The following RTL4 variants were observed in gnomAD, a reference collection of about 807,000 sequenced individuals.
RTL4 encodes retrotransposon Gag-like protein 4.
A neutral mutation model predicts 5.3 loss-of-function variants in RTL4; 4 were observed. That is an observed-to-expected ratio of 0.75 (90% CI 0.37 to 1.72). The LOEUF (loss-of-function observed/expected upper bound fraction) is 1.72. RTL4 is among the 40% of genes most tolerant of loss of function. The pLI is 0.04. For synonymous variants in RTL4, 98 were observed against 87.3 expected, an observed-to-expected ratio of 1.12 and a Z score of -0.68; for missense variants, 260 against 227.1, an observed-to-expected ratio of 1.14 and a Z score of -0.93.
the RTL4 span, among the ~76,000 whole-genome samples, chrX:112,328,540 C>T: frequency 1.8e-5 from 2 of 111,541 alleles, no homozygotes; most frequent in Non-Finnish European, 3.8e-5. Flanking sequence ...GAGGCTTAGA[C>T]TCCCACACAT....
the RTL4 span, among the ~76,000 whole-genome samples, chrX:112,096,177 A>C: frequency 1.8e-5 from 2 of 111,950 alleles, no homozygotes; most frequent in South Asian, 7.5e-4. Context: ...ATGATAATAG[A>C]GTCTGCCTTA....
chrX:112,361,413 A>C, the RTL4 span, among the ~76,000 whole-genome samples: 2,263 of 111,273 alleles, frequency 0.02, 32 homozygotes, highest in Non-Finnish European at 0.031. Context: ...GGGGATAGAT[A>C]ACTTTTACAG....
chrX:112,262,757 T>C, the RTL4 span, among the ~76,000 whole-genome samples: 1 of 110,901 alleles, frequency 9.0e-6, no homozygotes, highest in East Asian at 2.9e-4. Flanking sequence ...ATGTTTATGG[T>C]GGCACTATTC....
At chrX:112,292,873 G>A in the RTL4 span, among the ~76,000 whole-genome samples, 4 of 111,380 alleles carry the variant, frequency 3.6e-5, no homozygotes, top group African/African-American at 1.3e-4. Context: ...TTTTGAGAAA[G>A]ATCATACTAG....
the RTL4 span, among the ~76,000 whole-genome samples, chrX:112,115,869 C>T: frequency 8.9e-6 from 1 of 112,397 alleles, no homozygotes; most frequent in South Asian, 3.7e-4. Flanking sequence ...AGCCAAGGGT[C>T]AGGATAGGTA....
At chrX:112,353,369 A>T in the RTL4 span, among the ~76,000 whole-genome samples, 2 of 111,517 alleles carry the variant, frequency 1.8e-5, no homozygotes. Flanking sequence ...TGCTGCTATA[A>T]ACACACATGC....
the RTL4 span, among the ~76,000 whole-genome samples, chrX:112,263,953 C>CTT: frequency 1.8e-5 from 2 of 111,751 alleles, no homozygotes; most frequent in African/African-American, 6.5e-5. Flanking sequence ...ATTCATCTCA[C>CTT]TCTTTTGGTC....
chrX:112,223,549 G>A, the RTL4 span, among the ~76,000 whole-genome samples: 9 of 112,088 alleles, frequency 8.0e-5, no homozygotes, highest in Non-Finnish European at 1.7e-4. Flanking sequence ...GTGTAATCTA[G>A]GTCACTAAGG....
chrX:112,270,094 C>T, the RTL4 span, among the ~76,000 whole-genome samples: 1 of 111,970 alleles, frequency 8.9e-6, no homozygotes, highest in Admixed American at 9.5e-5. Context: ...TAATGAAGTC[C>T]CCTTTTTCAG....
the RTL4 span, among the ~76,000 whole-genome samples, chrX:112,115,468 G>A: frequency 8.9e-6 from 1 of 111,737 alleles, no homozygotes; most frequent in Non-Finnish European, 1.9e-5. Flanking sequence ...TACCCTGAGG[G>A]AAGGAAGGGA....
the RTL4 span, among the ~76,000 whole-genome samples, chrX:112,449,305 T>C: frequency 9.0e-6 from 1 of 111,391 alleles, no homozygotes; most frequent in African/African-American, 3.3e-5. Context: ...CAGCTGCATG[T>C]GATGTGCCTG....
At chrX:112,142,858 TC>T in the RTL4 span, among the ~76,000 whole-genome samples, 1 of 111,263 alleles carries the variant, frequency 9.0e-6, no homozygotes, top group African/African-American at 3.3e-5. Flanking sequence ...AGACAGAATC[TC>T]ATTCTGTCAC....
At chrX:112,312,654 G>T in the RTL4 span, among the ~76,000 whole-genome samples, 2 of 111,407 alleles carry the variant, frequency 1.8e-5, no homozygotes. Flanking sequence ...ATTAACTGAA[G>T]AGCAGTTGAA....
chrX:112,429,040 T>C, the RTL4 span, among the ~76,000 whole-genome samples: 28 of 111,924 alleles, frequency 2.5e-4, no homozygotes, highest in South Asian at 7.3e-4. Context: ...TGTGTCTTTA[T>C]ATTTAAAGTG....
chrX:112,195,581 C>G, the RTL4 span, among the ~76,000 whole-genome samples: 1 of 111,331 alleles, frequency 9.0e-6, no homozygotes, highest in Non-Finnish European at 1.9e-5. Flanking sequence ...ACTCAAAACA[C>G]TACGGCTGTG....
At chrX:112,263,482 C>A in the RTL4 span, among the ~76,000 whole-genome samples, 2 of 111,878 alleles carry the variant, frequency 1.8e-5, no homozygotes, top group Non-Finnish European at 3.8e-5. Flanking sequence ...TAACTCCCAG[C>A]TCCTGACCAC....
chrX:112,207,639 GT>G, the RTL4 span, among the ~76,000 whole-genome samples: 19,833 of 90,941 alleles, frequency 0.22, 1,623 homozygotes, highest in African/African-American at 0.26. Context: ...TAGTGGCATT[GT>G]TTTTTTTTTT....
the RTL4 span, among the ~76,000 whole-genome samples, chrX:112,409,509 C>T: frequency 1.2e-4 from 13 of 110,192 alleles, no homozygotes; most frequent in African/African-American, 4.3e-4. Flanking sequence ...ATCACGAGGT[C>T]GGGAGTTCGA....
At chrX:112,349,520 G>C in the RTL4 span, among the ~76,000 whole-genome samples, 1 of 107,286 alleles carries the variant, frequency 9.3e-6, no homozygotes. Context: ...CCATTTGTTT[G>C]TATCCTCTTT....
Sources: allele counts gnomAD v4.1 joint callset (sites outside exome capture counted in the v4.1 genomes callset), GRCh38; gene constraint gnomAD v4.1.1; transcripts MANE v1.5; gene names NCBI Gene and HGNC (gene_info 2026-07-23, HGNC 2026-07-21).